Variants in PPARG observed in about 807,000 individuals in gnomAD.
PPARG encodes peroxisome proliferator-activated receptor gamma.
PPARG carries 17 observed loss-of-function variants against 39.2 expected under a neutral mutation model. That is an observed-to-expected ratio of 0.43 (90% CI 0.30 to 0.65). PPARG has a LOEUF of 0.65. PPARG is among the 30% of genes least tolerant of loss of function. The pLI is 0.13. For synonymous variants in PPARG, 223 were observed against 215.7 expected (o/e 1.03, Z -0.30); for missense variants, 406 against 585.9 (o/e 0.69, Z 3.17).
intron 2 of PPARG, among the ~76,000 whole-genome samples, chr3:12,360,834 T>G (rs1299664628): frequency 6.6e-6 from 1 of 152,236 alleles, no homozygotes; most frequent in Non-Finnish European, 1.5e-5. Context: ...ATCCTACTGT[T>G]GATGGGCATT....
At chr3:12,305,467 TG>T (rs1309033830) in intron 1 of PPARG, among the ~76,000 whole-genome samples, 5 of 152,236 alleles carry the variant, frequency 3.3e-5, no homozygotes, top group Admixed American at 1.3e-4. Flanking sequence ...GTAAGCGTAA[TG>T]GCTTGTTGAA....
At chr3:12,350,418 G>A (rs1450376815) in intron 2 of PPARG, among the ~76,000 whole-genome samples, 2 of 152,152 alleles carry the variant, frequency 1.3e-5, no homozygotes, top group Admixed American at 6.5e-5. Context: ...ACTCAATGGA[G>A]ATTAACCAGA....
chr3:12,375,620 G>A (rs2049378439), intron 2 of PPARG, among the ~76,000 whole-genome samples: 1 of 152,194 alleles, frequency 6.6e-6, no homozygotes, highest in African/African-American at 2.4e-5. Context: ...AATTAAGCCT[G>A]CCAAGGAGAC....
At chr3:12,432,472 G>T (rs13099078) in intron 7 of PPARG, among the ~76,000 whole-genome samples, 25,362 of 152,136 alleles carry the variant, frequency 0.17, 2,318 homozygotes, top group Admixed American at 0.25. Context: ...AATTAAAATT[G>T]TAAAACCCCT....
intron 2 of PPARG, among the ~76,000 whole-genome samples, chr3:12,360,475 C>T (rs1305438848): frequency 6.6e-6 from 1 of 151,474 alleles, no homozygotes; most frequent in Non-Finnish European, 1.5e-5. Context: ...ATGGAACATT[C>T]TCTCTTAATT....
intron 2 of PPARG, among the ~76,000 whole-genome samples, chr3:12,336,110 G>A (rs1342201657): frequency 6.6e-6 from 1 of 152,198 alleles, no homozygotes; most frequent in Non-Finnish European, 1.5e-5. Context: ...CATTAATTAG[G>A]AAGGGTAAGA....
rs536858424 is a variant in PPARG at position 12,347,927 on chromosome 3, T to TA, written c.-8-31776dup. ...AGCTAGCATAAATGTTAGTAGCACT[T>TA]ACAGCATTAAATGAAGCAGATTTTT... On this transcript the variant is annotated intron_variant, in intron 2 of 7. Transcript: ENST00000651735. 1.1e-4 allele frequency among the ~76,000 whole-genome samples: 17 copies of TA among 152,304 alleles called. No individual in the cohort carries two copies. In the East Asian group the frequency reaches 1.4e-3, roughly 12 times the overall value.
At chr3:12,359,849 T>C (rs896673267) in intron 2 of PPARG, among the ~76,000 whole-genome samples, 2 of 152,100 alleles carry the variant, frequency 1.3e-5, no homozygotes, top group East Asian at 3.9e-4. Context: ...TAATTTTGTA[T>C]TTTTAGTAGA....
chr3:12,345,089 T>C (rs895234396), intron 2 of PPARG, among the ~76,000 whole-genome samples: 23 of 152,256 alleles, frequency 1.5e-4, no homozygotes, highest in Non-Finnish European at 2.5e-4. Context: ...AAGGTGTTTT[T>C]TTTTAGAGTA....
chr3:12,370,895 G>A (rs899329036), intron 2 of PPARG, among the ~76,000 whole-genome samples: 28 of 152,292 alleles, frequency 1.8e-4, no homozygotes, highest in African/African-American at 6.5e-4. Flanking sequence ...GTAACCAAGA[G>A]GAGCTGTGGA....
At chr3:12,307,621 A>C (rs187933121) in intron 1 of PPARG, among the ~76,000 whole-genome samples, 182 of 152,312 alleles carry the variant, frequency 1.2e-3, no homozygotes, top group Non-Finnish European at 1.8e-3. Flanking sequence ...GCTGGGAATA[A>C]AGACTGTGTG....
intron 2 of PPARG, among the ~76,000 whole-genome samples, chr3:12,322,067 A>G (rs540047227): frequency 3.3e-4 from 51 of 152,382 alleles, no homozygotes; most frequent in African/African-American, 1.2e-3. Flanking sequence ...AAGAATTTCC[A>G]TGAGAGATAT....
intron 7 of PPARG, among the ~76,000 whole-genome samples, chr3:12,423,473 A>G (rs1159332633): frequency 1.3e-5 from 2 of 152,206 alleles, no homozygotes; most frequent in Non-Finnish European, 2.9e-5. Flanking sequence ...CAGCTCTAAA[A>G]TGGAAAGGGT....
chr3:12,416,982 G>A lies in PPARG; in HGVS notation c.1008G>A (p.Gly336=), dbSNP rs1354862046. 5.0e-6 allele frequency: 8 copies of A among 1,614,026 alleles called. No homozygotes were observed. The highest frequency in any genetic ancestry group is 6.8e-6 in the Non-Finnish European group (8 of 1,180,002). Residue 336 remains glycine (G), a synonymous_variant, in exon 7 of 8, where the codon GGG becomes GGA. Coordinates refer to ENST00000651735, the MANE Select transcript of PPARG (RefSeq NM_138711.6). ...TMLASLMNKD[G]VLISEGQGFM... ...TGGCCTCCTTGATGAATAAAGATGGGGTTCTCATATCCGAGGGCCAAGGCT... is the reference window on the plus strand; with the variant it reads ...TGGCCTCCTTGATGAATAAAGATGGAGTTCTCATATCCGAGGGCCAAGGCT...
chr3:12,416,830 C>G lies in PPARG; in HGVS notation c.856C>G (p.Arg286Gly). The change falls in exon 7 of 8, where the codon CGC (arginine) becomes GGC (glycine). Residue 286 changes from arginine to glycine, a missense_variant. Arg to Gly is a moderately radical substitution (Grantham distance 125). Coordinates refer to ENST00000651735, the MANE Select transcript of PPARG (RefSeq NM_138711.6). ...CCGCATCTTTCAGGGCTGCCAGTTT[C>G]GCTCCGTGGAGGCTGTGCAGGAGAT... Reference protein sequence around the residue: ...AIRIFQGCQFRSVEAVQEITE... With the variant: ...AIRIFQGCQFGSVEAVQEITE... 1 of 1,614,138 alleles carries G rather than the reference C, an allele frequency of 6.2e-7. No homozygotes were observed. Among genetic ancestry groups the G allele is most frequent in the Non-Finnish European group, 8.5e-7 (1 of 1,180,000 alleles).
chr3:12,328,165 AT>A (rs1453083884), intron 2 of PPARG: 1 of 1,306,168 alleles, frequency 7.7e-7, no homozygotes, highest in Non-Finnish European at 1.1e-6. Context: ...GAAGCAGCAA[AT>A]AGCGAAGAAA....
rs149367249 is a variant in PPARG, at chr3:12,434,079, C to A, written c.1362C>A (p.Ile454=). The change falls in exon 8 of 8, where the codon ATC becomes ATA. Residue 454 remains isoleucine, a synonymous_variant. Transcript: ENST00000651735. This position sits in a 1 kb window ranked among gnomAD's most constrained non-coding sequence, Gnocchi z 4.2. ...AACACGTGCAGCTACTGCAGGTGAT[C>A]AAGAAGACGGAGACAGACATGAGTC... ...VTEHVQLLQV[I]KKTETDMSLH... is the part of the protein sequence containing the mutation. 6.2e-7 allele frequency: 1 copy of A among 1,614,184 alleles called. No individual in the cohort carries two copies. Among genetic ancestry groups the A allele is most frequent in the Non-Finnish European group, 8.5e-7 (1 of 1,180,020 alleles).
chr3:12,377,880 T>C (rs975897026), intron 2 of PPARG, among the ~76,000 whole-genome samples: 1 of 152,210 alleles, frequency 6.6e-6, no homozygotes, highest in Non-Finnish European at 1.5e-5. Context: ...ACATCTGATA[T>C]GGAATTAATA....
intron 1 of PPARG, among the ~76,000 whole-genome samples, chr3:12,292,569 C>G (rs1428102886): frequency 6.6e-6 from 1 of 152,156 alleles, no homozygotes; most frequent in Non-Finnish European, 1.5e-5. Context: ...AATAACCCAC[C>G]TATTTGCTAG....
Sources: allele counts gnomAD v4.1 joint callset (sites outside exome capture counted in the v4.1 genomes callset), GRCh38; gene constraint gnomAD v4.1.1; non-coding constraint Gnocchi (gnomAD v3.1); transcripts MANE v1.5; gene names NCBI Gene and HGNC (gene_info 2026-07-23, HGNC 2026-07-21).